B4GALT5: variants seen among roughly 807,000 people sequenced by gnomAD.
The protein encoded by B4GALT5 is beta-1,4-galactosyltransferase 5, also known as UDP-Gal:beta-GlcNAc beta-1,4-galactosyltransferase 5.
In B4GALT5, 11 loss-of-function variants were observed where a neutral mutation model predicts 45.0. The ratio of observed to expected loss-of-function variants is 0.24; its 90% CI spans 0.15 to 0.40. B4GALT5 has a LOEUF of 0.40. B4GALT5 is among the 10% of genes least tolerant of loss of function. The pLI is 1.00. For synonymous variants in B4GALT5, 185 were observed against 182.9 expected (o/e 1.01, Z -0.09); for missense variants, 337 against 500.2 (o/e 0.67, Z 3.11).
chr20:49,669,351 A>C (rs1264118012), intron 1 of B4GALT5, among the ~76,000 whole-genome samples: 3 of 152,184 alleles, frequency 2.0e-5, no homozygotes, highest in Non-Finnish European at 4.4e-5. Context: ...AGACAGTCTT[A>C]TTCTTTTCTT....
intron 1 of B4GALT5, among the ~76,000 whole-genome samples, chr20:49,699,365 G>A (rs6095611): frequency 0.5 from 66,317 of 132,572 alleles, 16,745 homozygotes; most frequent in South Asian, 0.65. Flanking sequence ...ATCCTAAATG[G>A]GCAAAAAAAA....
intron 1 of B4GALT5, among the ~76,000 whole-genome samples, chr20:49,712,598 C>A (rs567686827): frequency 2.0e-4 from 31 of 152,236 alleles, no homozygotes; most frequent in African/African-American, 7.2e-4. Context: ...TCCCAAAGGC[C>A]CCAATCATAT....
At chr20:49,639,940 T>A in intron 6 of B4GALT5, 140 bp from the exon 7 acceptor site, 1 of 1,195,700 alleles carries the variant, frequency 8.4e-7, no homozygotes, top group Non-Finnish European at 1.1e-6. Context: ...TTAGCAAAAT[T>A]AATTTTTGCA....
intron 8 of B4GALT5, among the ~76,000 whole-genome samples, chr20:49,636,980 A>T (rs992844491): frequency 6.6e-6 from 1 of 151,414 alleles, no homozygotes; most frequent in Non-Finnish European, 1.5e-5. Context: ...CCCAGACAGA[A>T]GCTCAGGACA....
At chr20:49,712,961 A>G (rs996125083) in intron 1 of B4GALT5, among the ~76,000 whole-genome samples, 2 of 150,744 alleles carry the variant, frequency 1.3e-5, no homozygotes, top group African/African-American at 4.9e-5. Flanking sequence ...AGGCCACTGA[A>G]GAGGTGAACG....
chr20:49,675,085 G>T (rs781088778), intron 1 of B4GALT5, among the ~76,000 whole-genome samples: 13 of 152,162 alleles, frequency 8.5e-5, no homozygotes, highest in Admixed American at 1.3e-4. Context: ...GGAGTGGAGG[G>T]GATAAGAGCA....
intron 2 of B4GALT5, among the ~76,000 whole-genome samples, chr20:49,651,736 G>C (rs2085623701): frequency 6.6e-6 from 1 of 152,234 alleles, no homozygotes; most frequent in South Asian, 2.1e-4. Flanking sequence ...CACACCAGTG[G>C]TTCAGCAGCC....
At chr20:49,671,848 TC>T (rs1488290084) in intron 1 of B4GALT5, among the ~76,000 whole-genome samples, 1 of 56,282 alleles carries the variant, frequency 1.8e-5, no homozygotes, top group African/African-American at 6.2e-5. Context: ...CTTTTTCTTT[TC>T]ATTTTTTTTT....
chr20:49,648,724 C>G (rs1369355400), intron 2 of B4GALT5, among the ~76,000 whole-genome samples: 3 of 152,116 alleles, frequency 2.0e-5, no homozygotes, highest in African/African-American at 7.2e-5. Flanking sequence ...AGTGTGATGG[C>G]AGATGTCTTT....
At chr20:49,712,423 T>C (rs2085917150) in intron 1 of B4GALT5, among the ~76,000 whole-genome samples, 1 of 126,674 alleles carries the variant, frequency 7.9e-6, no homozygotes, top group South Asian at 2.7e-4. Flanking sequence ...CTGTCCTAAC[T>C]GGTGCCCTGT....
chr20:49,687,319 G>A (rs528700832), intron 1 of B4GALT5, among the ~76,000 whole-genome samples: 8 of 152,182 alleles, frequency 5.3e-5, no homozygotes, highest in Non-Finnish European at 8.8e-5. Flanking sequence ...ATGCATAAAC[G>A]TTAAGTTTAT....
chr20:49,706,416 C>G (rs774289804), intron 1 of B4GALT5, among the ~76,000 whole-genome samples: 3 of 152,094 alleles, frequency 2.0e-5, no homozygotes, highest in Admixed American at 6.6e-5. Flanking sequence ...TAATTCTCAA[C>G]TTTGGGCAAG....
Position 49,675,930 on chromosome 20 carries a change from G to A in B4GALT5, c.116-19228C>T, listed in dbSNP as rs139229675. On this transcript the variant is annotated intron_variant, in intron 1 of 8. Coordinates refer to ENST00000371711, the MANE Select transcript of B4GALT5 (RefSeq NM_004776.4). ...ACTTCATCTTTACAGCTGGGTCGCT[G>A]CACTATGAGGCTACACTAAAATATA... is the stretch of plus-strand genomic sequence containing the variant. Among the ~76,000 whole-genome samples the A allele has an allele frequency of 4.8e-4, 73 of 152,248 alleles. No homozygotes were observed. The East Asian group carries it at 0.013, about 27-fold the overall frequency.
chr20:49,656,769 T>C lies in B4GALT5; in HGVS notation c.116-67A>G, dbSNP rs530094608. 1.4e-4 allele frequency: 221 copies of C among 1,581,984 alleles called. 1 individual carries two copies. Among genetic ancestry groups the C allele is most frequent in the African/African-American group, 8.3e-4 (61 of 73,152 alleles). On this transcript the variant is annotated intron_variant, in intron 1 of 8. Coordinates refer to ENST00000371711, the MANE Select transcript of B4GALT5 (RefSeq NM_004776.4). ...CAATCATTTAAAAAAACATACCACA[T>C]AGCTATGGATTTTTTTTTCTTTTTG...
intron 1 of B4GALT5, among the ~76,000 whole-genome samples, chr20:49,662,386 A>G (rs181151977): frequency 1.1e-4 from 16 of 152,322 alleles, no homozygotes; most frequent in Non-Finnish European, 8.8e-5. Context: ...GAGCTCCATT[A>G]GGGCAAGGCT....
chr20:49,668,160 T>C (rs1282817176), intron 1 of B4GALT5, among the ~76,000 whole-genome samples: 2 of 152,138 alleles, frequency 1.3e-5, no homozygotes, highest in Non-Finnish European at 2.9e-5. Flanking sequence ...TCCTTCTCAT[T>C]TGAGGCAGAA....
At chr20:49,694,217 A>G in intron 1 of B4GALT5, among the ~76,000 whole-genome samples, 1 of 152,160 alleles carries the variant, frequency 6.6e-6, no homozygotes, top group Admixed American at 6.5e-5. Flanking sequence ...TAGAGAGGCG[A>G]TGTGCCTAGA....
chr20:49,646,069 G>GTA (rs2085597898), intron 3 of B4GALT5, among the ~76,000 whole-genome samples: 1 of 152,062 alleles, frequency 6.6e-6, no homozygotes, highest in Admixed American at 6.5e-5. Flanking sequence ...ATTGACAACA[G>GTA]GCACTTGTAG....
At chr20:49,692,309 A>C (rs1006701536) in intron 1 of B4GALT5, among the ~76,000 whole-genome samples, 1 of 151,168 alleles carries the variant, frequency 6.6e-6, no homozygotes, top group Non-Finnish European at 1.5e-5. Flanking sequence ...ACAAAAGAAA[A>C]AAAAAAAAGT....
Sources: gnomAD v4.1 joint callset for allele counts (sites outside exome capture counted in the v4.1 genomes callset) on GRCh38, gnomAD v4.1.1 for gene constraint, MANE v1.5 for transcripts, NCBI Gene and HGNC (gene_info 2026-07-23, HGNC 2026-07-21) for gene names.